The following SHLD1 variants were observed in gnomAD, a reference collection of about 807,000 sequenced individuals.
The protein encoded by SHLD1 is RINN1-REV7-interacting novel NHEJ regulator 3.
A neutral mutation model predicts 5.5 loss-of-function variants in SHLD1; 3 were observed. That is an observed-to-expected ratio of 0.54 (90% CI 0.25 to 1.40). The LOEUF (loss-of-function observed/expected upper bound fraction) is 1.40, where lower values mean the gene tolerates loss of function less well. Ranked by LOEUF, SHLD1 falls within the 40% of genes most tolerant of loss-of-function variation. SHLD1 has a pLI of 0.15. For missense variants in SHLD1, 210 were observed against 244.4 expected (o/e 0.86, Z 0.94); for synonymous variants, 92 against 94.3 (o/e 0.98, Z 0.14).
chr20:5,777,409 A>G (rs555167646), intron 2 of SHLD1, among the ~76,000 whole-genome samples: 1 of 152,200 alleles, frequency 6.6e-6, no homozygotes, highest in East Asian at 1.9e-4. Flanking sequence ...TTAGCAAATG[A>G]CAGAGCTGAC....
chr20:5,792,951 A>G (rs906472477), intron 2 of SHLD1, among the ~76,000 whole-genome samples: 1 of 152,224 alleles, frequency 6.6e-6, no homozygotes, highest in Non-Finnish European at 1.5e-5. Context: ...CTGAGATCAC[A>G]GGCATGAGCC....
intron 2 of SHLD1, among the ~76,000 whole-genome samples, chr20:5,812,515 C>T (rs1251353547): frequency 2.0e-5 from 3 of 152,132 alleles, no homozygotes; most frequent in East Asian, 1.9e-4. Flanking sequence ...AACAAGTGAA[C>T]GAGTGGCCTC....
At chr20:5,822,836 AC>A (rs1044821169) in intron 2 of SHLD1, among the ~76,000 whole-genome samples, 37 of 151,626 alleles carry the variant, frequency 2.4e-4, no homozygotes, top group African/African-American at 8.7e-4. Context: ...AAAATCCATG[AC>A]CCCAGGTTCC....
intron 2 of SHLD1, among the ~76,000 whole-genome samples, chr20:5,830,200 G>A (rs373642296): frequency 1.6e-4 from 25 of 152,096 alleles, no homozygotes; most frequent in African/African-American, 4.8e-4. Context: ...CACTCATAAC[G>A]GCCCTAACTA....
intron 2 of SHLD1, among the ~76,000 whole-genome samples, chr20:5,798,736 A>C (rs1268845086): frequency 6.6e-6 from 1 of 150,434 alleles, no homozygotes; most frequent in African/African-American, 2.5e-5. Flanking sequence ...TCCTGGCTCA[A>C]CCTCCAGAGT....
At chr20:5,826,898 C>G (rs536767905) in intron 2 of SHLD1, among the ~76,000 whole-genome samples, 4 of 150,442 alleles carry the variant, frequency 2.7e-5, no homozygotes, top group Admixed American at 6.7e-5. Context: ...CATCGCCCCT[C>G]CCTCATATCC....
intron 2 of SHLD1, among the ~76,000 whole-genome samples, chr20:5,783,616 C>A (rs2087016468): frequency 6.6e-6 from 1 of 152,168 alleles, no homozygotes; most frequent in Non-Finnish European, 1.5e-5. Flanking sequence ...TGTTAGAAGG[C>A]AGCAGTGAAT....
intron 2 of SHLD1, among the ~76,000 whole-genome samples, chr20:5,807,140 G>A (rs547365755): frequency 5.3e-5 from 8 of 152,154 alleles, no homozygotes; most frequent in South Asian, 4.2e-4. Flanking sequence ...GGTTATGTAT[G>A]ATTAGCTCAA....
chr20:5,848,532 C>T (rs2087960104), intron 2 of SHLD1, among the ~76,000 whole-genome samples: 2 of 152,192 alleles, frequency 1.3e-5, no homozygotes, highest in Non-Finnish European at 2.9e-5. Context: ...ACTACTTTTG[C>T]ACCAACCTAT....
intron 2 of SHLD1, among the ~76,000 whole-genome samples, chr20:5,854,492 C>A (rs1243120950): frequency 6.6e-6 from 1 of 152,106 alleles, no homozygotes; most frequent in South Asian, 2.1e-4. Flanking sequence ...TAGAAGCATT[C>A]CTCCTTAAGT....
At chr20:5,854,296 A>G (rs140013681) in intron 2 of SHLD1, among the ~76,000 whole-genome samples, 4,796 of 152,036 alleles carry the variant, frequency 0.032, 97 homozygotes, top group Middle Eastern at 0.061. Context: ...GTGAGCCACC[A>G]CACCCGGCCT....
At chr20:5,791,416 T>C (rs1032323588) in intron 2 of SHLD1, among the ~76,000 whole-genome samples, 4 of 151,544 alleles carry the variant, frequency 2.6e-5, no homozygotes, top group African/African-American at 7.3e-5. Context: ...ATACAAAAAT[T>C]AGCTGGGTGT....
intron 2 of SHLD1, among the ~76,000 whole-genome samples, chr20:5,839,400 C>T (rs1225786506): frequency 6.6e-6 from 1 of 152,072 alleles, no homozygotes; most frequent in African/African-American, 2.4e-5. Flanking sequence ...ATTTTGGATA[C>T]AGTTTAATGT....
At chr20:5,850,012 C>G (rs564476915) in intron 2 of SHLD1, among the ~76,000 whole-genome samples, 1 of 147,970 alleles carries the variant, frequency 6.8e-6, no homozygotes, top group Non-Finnish European at 1.5e-5. Context: ...AGGGTGATGG[C>G]TTATGCCTGT....
At chr20:5,851,813 G>A (rs2088014255) in intron 2 of SHLD1, among the ~76,000 whole-genome samples, 1 of 150,814 alleles carries the variant, frequency 6.6e-6, no homozygotes, top group Non-Finnish European at 1.5e-5. Flanking sequence ...GGGCCTGGTG[G>A]CGGGGGGGCA....
chr20:5,785,613 C>A (rs1415129045), intron 2 of SHLD1, among the ~76,000 whole-genome samples: 1 of 151,810 alleles, frequency 6.6e-6, no homozygotes, highest in African/African-American at 2.4e-5. Context: ...CTGGCCAACA[C>A]AGTGAAACCC....
At chr20:5,751,275 G>A (rs1415461018) in intron 1 of SHLD1, among the ~76,000 whole-genome samples, 1 of 152,042 alleles carries the variant, frequency 6.6e-6, no homozygotes, top group Non-Finnish European at 1.5e-5. Flanking sequence ...TAATGTCAAT[G>A]TTTTTGTGAC....
At chr20:5,781,116 A>C (rs1348771836) in intron 2 of SHLD1, among the ~76,000 whole-genome samples, 1 of 152,208 alleles carries the variant, frequency 6.6e-6, no homozygotes, top group Non-Finnish European at 1.5e-5. Context: ...GTTCCCACCC[A>C]GCCACTCCTC....
chr20:5,797,881 T>G (rs2087234401), intron 2 of SHLD1, among the ~76,000 whole-genome samples: 1 of 152,210 alleles, frequency 6.6e-6, no homozygotes, highest in African/African-American at 2.4e-5. Flanking sequence ...ATTATACATG[T>G]AGATATGACC....
Sources: gnomAD v4.1 joint callset for allele counts (sites outside exome capture counted in the v4.1 genomes callset) on GRCh38, gnomAD v4.1.1 for gene constraint, MANE v1.5 for transcripts, NCBI Gene and HGNC (gene_info 2026-07-23, HGNC 2026-07-21) for gene names.